Variants in PLCG2 observed in about 807,000 individuals in gnomAD.
PLCG2 encodes the protein phospholipase C gamma 2.
In PLCG2, 69 loss-of-function variants were observed where a neutral mutation model predicts 175.6. The observed-to-expected ratio is 0.39, with a 90% CI of 0.32 to 0.48. PLCG2 has a LOEUF of 0.48. Among genes scored for constraint, PLCG2 ranks in the 20% least tolerant of loss-of-function variants. PLCG2 has a pLI of 0.91. For synonymous variants in PLCG2, 827 were observed against 624.0 expected (o/e 1.33, Z -4.85); for missense variants, 1,798 against 1,650.9 (o/e 1.09, Z -1.54).
chr16:81,796,680 C>T (rs1451094556), intron 2 of PLCG2, among the ~76,000 whole-genome samples: 1 of 152,088 alleles, frequency 6.6e-6, no homozygotes, highest in Admixed American at 6.6e-5. Flanking sequence ...GACTGGTTTC[C>T]TTATGAGAAG....
At chr16:81,798,971 C>A (rs1911598353) in intron 2 of PLCG2, 1 of 152,412 alleles carries the variant, frequency 6.6e-6, no homozygotes, top group African/African-American at 2.4e-5. Flanking sequence ...GTGGGAAAAG[C>A]CCCTACACCA....
chr16:81,817,355 C>G (rs1904597234), intron 2 of PLCG2, among the ~76,000 whole-genome samples: 1 of 152,228 alleles, frequency 6.6e-6, no homozygotes, highest in Non-Finnish European at 1.5e-5. Context: ...GTGTGAAGCA[C>G]CTATCTTCCA....
intron 5 of PLCG2, among the ~76,000 whole-genome samples, chr16:81,864,043 T>A (rs997672184): frequency 6.6e-5 from 10 of 152,206 alleles, no homozygotes; most frequent in Admixed American, 3.3e-4. Context: ...GCAAATTTTT[T>A]AAATAAGATT....
intron 29 of PLCG2, among the ~76,000 whole-genome samples, chr16:81,939,298 G>T (rs1047995957): frequency 6.6e-6 from 1 of 152,136 alleles, no homozygotes; most frequent in East Asian, 1.9e-4. Context: ...TAACCTGGGA[G>T]ATCTTAGCCC....
intron 2 of PLCG2, among the ~76,000 whole-genome samples, chr16:81,771,099 C>A (rs1449323759): frequency 3.3e-5 from 5 of 151,806 alleles, no homozygotes; most frequent in African/African-American, 1.2e-4. Context: ...AGGCCCAGAT[C>A]ATAAGTACAG....
intron 17 of PLCG2, 94 bp from the exon 18 acceptor site, chr16:81,910,422 TTGTG>T: frequency 9.7e-7 from 1 of 1,035,012 alleles, no homozygotes. Context: ...AGAGGGAAGG[TTGTG>T]TGGCCACATG....
intron 2 of PLCG2, among the ~76,000 whole-genome samples, chr16:81,769,525 A>G (rs865810103): frequency 2.0e-5 from 3 of 152,096 alleles, no homozygotes; most frequent in Non-Finnish European, 2.9e-5. Flanking sequence ...GTCTTGAAAA[A>G]GACATGGGGC....
intron 27 of PLCG2, among the ~76,000 whole-genome samples, 192 bp downstream of exon 27, chr16:81,936,570 G>C (rs955588634): frequency 6.6e-6 from 1 of 152,202 alleles, no homozygotes; most frequent in African/African-American, 2.4e-5. Flanking sequence ...AGGACCGAAG[G>C]CTGCTTGGCT....
intron 15 of PLCG2, chr16:81,906,446 AGAT>A (rs1909374365): frequency 6.6e-6 from 1 of 152,148 alleles, no homozygotes; most frequent in Non-Finnish European, 1.5e-5. Flanking sequence ...TATTTATTTT[AGAT>A]AGTCTTGCTC....
At chr16:81,808,279 C>T (rs1024345109) in intron 2 of PLCG2, among the ~76,000 whole-genome samples, 2 of 152,168 alleles carry the variant, frequency 1.3e-5, no homozygotes, top group Non-Finnish European at 2.9e-5. Flanking sequence ...TTGCCAAGGC[C>T]TGTTGGCTGT....
chr16:81,803,658 TCCC>T (rs1911859090), intron 2 of PLCG2, among the ~76,000 whole-genome samples: 3 of 92,704 alleles, frequency 3.2e-5, no homozygotes, highest in Middle Eastern at 5.0e-3. Flanking sequence ...CCTCCCTCCC[TCCC>T]TCCCTTCCTT....
chr16:81,836,428 C>T (rs1479605438), intron 2 of PLCG2, among the ~76,000 whole-genome samples: 1 of 152,134 alleles, frequency 6.6e-6, no homozygotes, highest in African/African-American at 2.4e-5. Context: ...TTTCATCCTT[C>T]CCTTGGTAGT....
intron 2 of PLCG2, among the ~76,000 whole-genome samples, chr16:81,764,212 G>T (rs1910097402): frequency 1.3e-5 from 2 of 152,040 alleles, no homozygotes; most frequent in African/African-American, 4.8e-5. Flanking sequence ...AGGATTGCTG[G>T]AGCCCAGGAG....
chr16:81,749,340 A>G (rs1447034511), intron 1 of PLCG2, among the ~76,000 whole-genome samples: 1 of 152,140 alleles, frequency 6.6e-6, no homozygotes, highest in East Asian at 1.9e-4. Flanking sequence ...TTCATTAAAT[A>G]AATTATATTT....
chr16:81,896,622 G>T (rs1188302593), intron 13 of PLCG2, among the ~76,000 whole-genome samples: 1 of 151,998 alleles, frequency 6.6e-6, no homozygotes, highest in Non-Finnish European at 1.5e-5. Context: ...AAAAAGTGAG[G>T]CAAGGAAAGT....
chr16:81,743,987 T>C (rs1311984063), intron 1 of PLCG2, among the ~76,000 whole-genome samples: 6 of 151,792 alleles, frequency 4.0e-5, no homozygotes, highest in African/African-American at 1.5e-4. Context: ...GCCTCCCAAG[T>C]AGCTGAGATT....
chr16:81,929,648 A>C (rs1175288827), intron 24 of PLCG2, among the ~76,000 whole-genome samples: 1 of 152,170 alleles, frequency 6.6e-6, no homozygotes, highest in Non-Finnish European at 1.5e-5. Context: ...TGCCTGCCTT[A>C]GCCTCCCAAA....
intron 9 of PLCG2, among the ~76,000 whole-genome samples, chr16:81,886,393 T>C (rs1908369244): frequency 6.6e-6 from 1 of 152,204 alleles, no homozygotes; most frequent in Non-Finnish European, 1.5e-5. Context: ...CTGCAGCACT[T>C]TGTGTGCAAA....
At chr16:81,793,094 G>T (rs891832014) in intron 2 of PLCG2, among the ~76,000 whole-genome samples, 2 of 152,158 alleles carry the variant, frequency 1.3e-5, no homozygotes, top group Non-Finnish European at 2.9e-5. Flanking sequence ...GACCCCCAAG[G>T]CCTGGCCTCT....
Sources: gnomAD v4.1 joint callset for allele counts (sites outside exome capture counted in the v4.1 genomes callset) on GRCh38, gnomAD v4.1.1 for gene constraint, MANE v1.5 for transcripts, NCBI Gene and HGNC (gene_info 2026-07-23, HGNC 2026-07-21) for gene names.